MRAP: variants seen among roughly 807,000 people sequenced by gnomAD.
MRAP encodes the protein melanocortin-2 receptor accessory protein.
A neutral mutation model predicts 8.7 loss-of-function variants in MRAP; 8 were observed. That is an observed-to-expected ratio of 0.92 (90% confidence interval 0.54 to 1.66). The LOEUF is 1.66. Among genes scored for constraint, MRAP ranks in the 40% most tolerant of loss-of-function variants. The pLI, the probability that MRAP is intolerant of heterozygous loss-of-function variation, is 0.00. For missense variants in MRAP, 237 were observed against 217.1 expected, an observed-to-expected ratio of 1.09 and a Z score of -0.58; for synonymous variants, 95 against 95.5, an observed-to-expected ratio of 1.00 and a Z score of 0.03.
At chr21:32,298,448 T>A (rs551567994), upstream of MRAP, among the ~76,000 whole-genome samples, 8 of 152,324 alleles carry the variant, frequency 5.3e-5, no homozygotes, top group African/African-American at 1.7e-4. Context: ...ATCACTCGAT[T>A]TCTGCCCTCA....
chr21:32,303,337 T>C (rs1380283469), intron 1 of MRAP, among the ~76,000 whole-genome samples: 1 of 152,146 alleles, frequency 6.6e-6, no homozygotes, highest in African/African-American at 2.4e-5. Context: ...GAATGAAGAA[T>C]GGAGGAATGC....
chr21:32,305,789 C>A (rs2032401166), intron 1 of MRAP, among the ~76,000 whole-genome samples: 2 of 151,940 alleles, frequency 1.3e-5, no homozygotes, highest in Non-Finnish European at 2.9e-5. Flanking sequence ...GCCGGATTGC[C>A]CACAGCCACA....
chr21:32,301,550 T>G (rs1035953922), intron 1 of MRAP, among the ~76,000 whole-genome samples: 8 of 152,338 alleles, frequency 5.3e-5, no homozygotes, highest in Admixed American at 4.6e-4. Flanking sequence ...ACATGTTTGA[T>G]CTTCATCTGT....
upstream of MRAP, among the ~76,000 whole-genome samples, chr21:32,297,747 G>T (rs371945552): frequency 1.3e-5 from 2 of 152,198 alleles, no homozygotes; most frequent in Non-Finnish European, 2.9e-5. Flanking sequence ...AGAAATGTAC[G>T]GTGTAGCGGG....
chr21:32,298,602 C>A (rs554327739), upstream of MRAP, among the ~76,000 whole-genome samples: 1 of 152,314 alleles, frequency 6.6e-6, no homozygotes, highest in South Asian at 2.1e-4. Flanking sequence ...GTCTTTCCAG[C>A]CCTATTGGGC....
intron 1 of MRAP, among the ~76,000 whole-genome samples, chr21:32,305,505 G>A (rs1260921776): frequency 1.3e-5 from 2 of 152,150 alleles, no homozygotes; most frequent in African/African-American, 4.8e-5. Flanking sequence ...CAGTGTTAGT[G>A]CTGGAAGCAC....
intron 2 of MRAP, among the ~76,000 whole-genome samples, chr21:32,309,141 C>A (rs973875998): frequency 1.3e-5 from 2 of 152,182 alleles, no homozygotes; most frequent in Non-Finnish European, 2.9e-5. Flanking sequence ...GCACCGACAT[C>A]TGCTTAGCTT....
rs781756108 is a variant in MRAP, at chr21:32,311,930, TC to T, written c.457del (p.Leu153SerfsTer28). ...TCTGGGAACTGACCCTCAATGGGGGTCCCCTCGTCAGGAGCAAGCCCAGCGA... is the reference window on the plus strand; with the variant it reads ...TCTGGGAACTGACCCTCAATGGGGGTCCCTCGTCAGGAGCAAGCCCAGCGA... ...LLWELTLNGGPLVRSKPSEPP... is the reference protein window; with the variant it reads ...LLWELTLNGGXLVRSKPSEPP... On this transcript the variant is annotated frameshift_variant, in exon 3 of 3. Coordinates refer to ENST00000303645, the MANE Select transcript of MRAP (RefSeq NM_001379228.1). LOFTEE classifies it low-confidence loss of function (END_TRUNC). 8 of 1,613,202 alleles carry T rather than the reference TC, an allele frequency of 5.0e-6. No homozygotes were observed. The highest frequency in any genetic ancestry group is 6.8e-6 in the Non-Finnish European group (8 of 1,179,958).
rs150266180 is a variant in MRAP, at chr21:32,304,434, G to A, written c.107-2206G>A. On this transcript the variant is annotated intron_variant, in intron 1 of 2. Coordinates refer to ENST00000303645, the MANE Select transcript of MRAP (RefSeq NM_001379228.1). The stretch of plus-strand genomic sequence containing the variant: ...GATCAAGACCATCCTGCCCAACATG[G>A]TGAAACCCCATCTGTACTAGAAATA... 1.5e-3 allele frequency among the ~76,000 whole-genome samples: 226 copies of A among 152,190 alleles called. 2 individuals carry two copies. In the Middle Eastern group the frequency reaches 0.027, roughly 18 times the overall value.
chr21:32,301,361 T>G (rs914067690), intron 1 of MRAP, among the ~76,000 whole-genome samples: 2 of 152,216 alleles, frequency 1.3e-5, no homozygotes, highest in Non-Finnish European at 2.9e-5. Context: ...GTGAGTGAGT[T>G]ATTAGGAAAT....
chr21:32,294,015 T>C (rs2032096646), upstream of MRAP, among the ~76,000 whole-genome samples: 1 of 152,192 alleles, frequency 6.6e-6, no homozygotes, highest in Admixed American at 6.6e-5. Context: ...CAGACAGAAG[T>C]AAAAATTCCA....
At chr21:32,308,967 G>A (rs917957220) in intron 2 of MRAP, among the ~76,000 whole-genome samples, 1 of 152,022 alleles carries the variant, frequency 6.6e-6, no homozygotes, top group African/African-American at 2.4e-5. Context: ...CCCTGAGCCA[G>A]TGCGTCCCAT....
chr21:32,304,355 G>A (rs1179307777), intron 1 of MRAP, among the ~76,000 whole-genome samples: 2 of 152,132 alleles, frequency 1.3e-5, no homozygotes, highest in Non-Finnish European at 2.9e-5. Flanking sequence ...GGTGACTCAC[G>A]CCTGTAACCC....
At chr21:32,310,146 G>T (rs1308598948) in intron 2 of MRAP, among the ~76,000 whole-genome samples, 20 of 152,138 alleles carry the variant, frequency 1.3e-4, no homozygotes, top group Admixed American at 1.3e-3. Context: ...CAGCTCCCTG[G>T]GGGGCACAGG....
chr21:32,307,253 A>T (rs2032442894), intron 2 of MRAP, among the ~76,000 whole-genome samples: 1 of 152,098 alleles, frequency 6.6e-6, no homozygotes, highest in African/African-American at 2.4e-5. Flanking sequence ...ATGACTACTG[A>T]TGGGTTTCTT....
Position 32,311,899 on chromosome 21 carries a change from C to T in MRAP, c.422C>T (p.Thr141Ile), listed in dbSNP as rs774119464. ...CTCGGGGGTTTCCAGACCCACCCCA[C>T]TCTCCTCTGGGAACTGACCCTCAAT... ...LPLGGFQTHP[T>I]LLWELTLNGG... Residue 141 changes from threonine (T) to isoleucine (I), a missense_variant, in exon 3 of 3, where the codon ACT (threonine) becomes ATT (isoleucine). By Grantham distance (89) the Thr-to-Ile change is moderately conservative. Coordinates refer to ENST00000303645, the MANE Select transcript of MRAP (RefSeq NM_001379228.1). The T allele has an allele frequency of 6.8e-6, 11 of 1,613,892 alleles. No individual in the cohort carries two copies. Among genetic ancestry groups the T allele is most frequent in the South Asian group, 3.3e-5 (3 of 91,092 alleles).
intron 1 of MRAP, among the ~76,000 whole-genome samples, chr21:32,301,544 G>T (rs998524222): frequency 6.6e-6 from 1 of 152,208 alleles, no homozygotes; most frequent in Non-Finnish European, 1.5e-5. Context: ...CTAATTACAT[G>T]TTTGATCTTC....
chr21:32,306,272 G>C (rs1010010083), intron 1 of MRAP, among the ~76,000 whole-genome samples: 33 of 151,932 alleles, frequency 2.2e-4, no homozygotes, highest in Non-Finnish European at 3.2e-4. Flanking sequence ...CTAACACACA[G>C]AGCTGCCCAC....
chr21:32,305,966 C>A (rs1330849424), intron 1 of MRAP, among the ~76,000 whole-genome samples: 1 of 152,196 alleles, frequency 6.6e-6, no homozygotes, highest in Non-Finnish European at 1.5e-5. Context: ...TTTCCCCCTT[C>A]AGCCTCAGGC....
Sources: gnomAD v4.1 joint callset for allele counts (sites outside exome capture counted in the v4.1 genomes callset) on GRCh38, gnomAD v4.1.1 for gene constraint, MANE v1.5 for transcripts, NCBI Gene and HGNC (gene_info 2026-07-23, HGNC 2026-07-21) for gene names.